The following GRIK2 variants were observed in gnomAD, a reference collection of about 807,000 sequenced individuals.
GRIK2 encodes glutamate ionotropic receptor kainate type subunit 2.
A neutral mutation model predicts 100.3 loss-of-function variants in GRIK2; 32 were observed. The ratio of observed to expected loss-of-function variants is 0.32; its 90% CI spans 0.24 to 0.43. The LOEUF (loss-of-function observed/expected upper bound fraction) is 0.43, where lower values mean the gene tolerates loss of function less well. Ranked by LOEUF, GRIK2 falls within the 20% of genes least tolerant of loss-of-function variation. The pLI is 1.00. For synonymous variants in GRIK2, 417 were observed against 389.4 expected (o/e 1.07, Z -0.83); for missense variants, 843 against 1,114.9 (o/e 0.76, Z 3.47).
chr6:101,581,228 TCA>T (rs963720184), intron 2 of GRIK2, among the ~76,000 whole-genome samples: 5 of 121,396 alleles, frequency 4.1e-5, no homozygotes, highest in South Asian at 2.4e-4. Context: ...TCACACACAC[TCA>T]CACACATATA....
intron 12 of GRIK2, among the ~76,000 whole-genome samples, chr6:101,913,592 T>C (rs545773244): frequency 3.2e-4 from 49 of 151,630 alleles, no homozygotes; most frequent in African/African-American, 1.1e-3. Flanking sequence ...AATAATGAAG[T>C]GAGCATTTTA....
chr6:101,682,754 A>AGAG (rs1562307536), intron 6 of GRIK2, 148 bp downstream of exon 6: 1 of 498,354 alleles, frequency 2.0e-6, no homozygotes, highest in African/African-American at 2.0e-5. Context: ...TTATTATCAG[A>AGAG]GAGGACAACT....
intron 7 of GRIK2, among the ~76,000 whole-genome samples, chr6:101,705,185 A>G (rs2128355080): frequency 6.6e-6 from 1 of 151,468 alleles, no homozygotes; most frequent in East Asian, 2.0e-4. Flanking sequence ...CTTGGCATTA[A>G]TGTGTATAAC....
chr6:101,994,596 A>G (rs377407479), intron 14 of GRIK2, among the ~76,000 whole-genome samples: 42 of 151,948 alleles, frequency 2.8e-4, no homozygotes, highest in African/African-American at 9.4e-4. Flanking sequence ...TGACTTATAA[A>G]GGGGAAATTT....
At chr6:101,537,049 G>C (rs1399646782) in intron 2 of GRIK2, among the ~76,000 whole-genome samples, 1 of 151,668 alleles carries the variant, frequency 6.6e-6, no homozygotes, top group African/African-American at 2.4e-5. Flanking sequence ...TAGTTTTCTG[G>C]AGTAATGTTT....
rs1309222936 is a variant in GRIK2 at position 101,661,770 on chromosome 6, C to A, written c.542-14853C>A. On this transcript the variant is annotated intron_variant, in intron 4 of 16. Transcript: ENST00000369134. ...GCACTTCCCGTGTGAGGCGATGCCC[C>A]ACCATGATTTGGCTTGCCCTCCGTG... Among the ~76,000 whole-genome samples, 3 of 152,076 alleles carry A rather than the reference C, an allele frequency of 2.0e-5. No individual in the cohort carries two copies. In the East Asian group the frequency reaches 5.8e-4, roughly 30 times the overall value.
At chr6:101,731,919 T>G (rs923396004) in intron 7 of GRIK2, among the ~76,000 whole-genome samples, 18 of 152,138 alleles carry the variant, frequency 1.2e-4, no homozygotes, top group African/African-American at 4.3e-4. Context: ...ATAGTTTTCC[T>G]AGGAATTACA....
chr6:101,710,882 C>A (rs779173441), intron 7 of GRIK2, among the ~76,000 whole-genome samples: 2 of 151,728 alleles, frequency 1.3e-5, no homozygotes, highest in Non-Finnish European at 2.9e-5. Context: ...GGTTTATAAG[C>A]CTTAAGATAA....
At chr6:101,417,204 T>C (rs575009233) in intron 2 of GRIK2, among the ~76,000 whole-genome samples, 3 of 152,220 alleles carry the variant, frequency 2.0e-5, no homozygotes, top group Admixed American at 2.0e-4. Context: ...ATCATGAGAA[T>C]TGCATGGGAA....
intron 13 of GRIK2, among the ~76,000 whole-genome samples, chr6:101,927,049 A>T (rs1449805154): frequency 6.6e-6 from 1 of 152,178 alleles, no homozygotes; most frequent in African/African-American, 2.4e-5. Flanking sequence ...CCTAGGAGCA[A>T]CTACATCAGA....
intron 2 of GRIK2, among the ~76,000 whole-genome samples, chr6:101,596,859 T>C (rs1778950653): frequency 6.6e-6 from 1 of 151,762 alleles, no homozygotes; most frequent in Non-Finnish European, 1.5e-5. Flanking sequence ...AAAATAGAAC[T>C]ACCATTTGAA....
intron 4 of GRIK2, among the ~76,000 whole-genome samples, chr6:101,631,667 T>C (rs1780749435): frequency 6.6e-6 from 1 of 152,152 alleles, no homozygotes. Context: ...TTCTTTTCTT[T>C]TTTTGGCTCG....
chr6:101,450,444 G>C (rs1448875711), intron 2 of GRIK2, among the ~76,000 whole-genome samples: 1 of 151,654 alleles, frequency 6.6e-6, no homozygotes, highest in East Asian at 1.9e-4. Flanking sequence ...GAAAGTCACT[G>C]AACATTCCAG....
intron 4 of GRIK2, among the ~76,000 whole-genome samples, chr6:101,652,899 C>A (rs977482447): frequency 1.3e-5 from 2 of 150,894 alleles, no homozygotes; most frequent in Non-Finnish European, 3.0e-5. Flanking sequence ...TTGTGTTTGC[C>A]ATAGGAAAGA....
At chr6:101,608,784 GGTGTGTGTGTGTGTGT>G (rs71689029) in intron 2 of GRIK2, among the ~76,000 whole-genome samples, 1 of 141,970 alleles carries the variant, frequency 7.0e-6, no homozygotes, top group Non-Finnish European at 1.5e-5. Flanking sequence ...CTCATAGAGG[GGTGTGTGTGTGTGTGT>G]GTGTGTGTGT....
intron 10 of GRIK2, among the ~76,000 whole-genome samples, chr6:101,826,448 G>A (rs1271982437): frequency 1.3e-5 from 2 of 152,054 alleles, no homozygotes; most frequent in South Asian, 2.1e-4. Context: ...GGGATGGTGG[G>A]AAAGGAGATG....
chr6:101,607,813 G>A (rs1779501532), intron 2 of GRIK2, among the ~76,000 whole-genome samples: 1 of 151,750 alleles, frequency 6.6e-6, no homozygotes, highest in African/African-American at 2.4e-5. Context: ...TAAAATGAAT[G>A]TTACTTTCAT....
intron 2 of GRIK2, among the ~76,000 whole-genome samples, chr6:101,479,802 A>G (rs193109352): frequency 2.6e-5 from 4 of 152,318 alleles, no homozygotes; most frequent in Admixed American, 6.5e-5. Context: ...TGCGAATTAA[A>G]TGTAAACATT....
At chr6:101,396,087 A>G (rs1774993266) in intron 1 of GRIK2, among the ~76,000 whole-genome samples, 2 of 152,186 alleles carry the variant, frequency 1.3e-5, no homozygotes, top group Non-Finnish European at 2.9e-5. Flanking sequence ...AATACTGTGT[A>G]AGGAATTTAT....
Sources: allele counts gnomAD v4.1 joint callset (sites outside exome capture counted in the v4.1 genomes callset), GRCh38; gene constraint gnomAD v4.1.1; transcripts MANE v1.5; gene names NCBI Gene and HGNC (gene_info 2026-07-23, HGNC 2026-07-21).